INSC: variants seen among roughly 807,000 people sequenced by gnomAD.
INSC encodes the protein INSC spindle orientation adaptor protein, also known as protein inscuteable homolog.
Under a neutral mutation model 58.6 loss-of-function variants are expected in INSC, and 67 were observed. The ratio of observed to expected loss-of-function variants is 1.14; its 90% CI spans 0.94 to 1.40. The LOEUF (loss-of-function observed/expected upper bound fraction) is 1.40, where lower values mean the gene tolerates loss of function less well. Ranked by LOEUF, INSC falls within the 40% of genes most tolerant of loss-of-function variation. The pLI is 0.00. For missense variants in INSC, 714 were observed against 692.0 expected, an observed-to-expected ratio of 1.03 and a Z score of -0.36; for synonymous variants, 262 against 276.1, an observed-to-expected ratio of 0.95 and a Z score of 0.51.
intron 7 of INSC, among the ~76,000 whole-genome samples, chr11:15,203,277 G>T (rs1253163047): frequency 1.3e-5 from 2 of 152,050 alleles, no homozygotes; most frequent in African/African-American, 4.8e-5. Flanking sequence ...GCTATTCCTG[G>T]CCACTGTGCT....
chr11:15,125,032 C>T (rs1430924660), intron 1 of INSC, among the ~76,000 whole-genome samples: 1 of 152,094 alleles, frequency 6.6e-6, no homozygotes, highest in African/African-American at 2.4e-5. Context: ...GGGTACTATA[C>T]ACCATAAAAA....
chr11:15,160,164 GAC>G (rs1848966818), intron 2 of INSC, among the ~76,000 whole-genome samples: 1 of 152,196 alleles, frequency 6.6e-6, no homozygotes, highest in Non-Finnish European at 1.5e-5. Context: ...TCAGAGGAGA[GAC>G]AGAGTGCTTA....
At chr11:15,254,756 C>T in the INSC span, among the ~76,000 whole-genome samples, 1 of 152,210 alleles carries the variant, frequency 6.6e-6, no homozygotes, top group Non-Finnish European at 1.5e-5. Flanking sequence ...GACAGTGCTT[C>T]AGATGCAGGC....
chr11:15,264,829 A>C, the INSC span, among the ~76,000 whole-genome samples: 1 of 152,088 alleles, frequency 6.6e-6, no homozygotes, highest in African/African-American at 2.4e-5. Context: ...TAACCTATTG[A>C]TAGGTTCCAG....
chr11:15,125,860 T>A (rs1321612716), intron 1 of INSC, among the ~76,000 whole-genome samples: 2 of 152,078 alleles, frequency 1.3e-5, no homozygotes, highest in Non-Finnish European at 2.9e-5. Context: ...TTCAGTGTTT[T>A]AGGAGCCCTA....
intron 6 of INSC, among the ~76,000 whole-genome samples, chr11:15,195,901 G>A (rs1850352617): frequency 6.6e-6 from 1 of 152,196 alleles, no homozygotes; most frequent in Non-Finnish European, 1.5e-5. Flanking sequence ...CTTTCCCAGT[G>A]TTTTCATGGG....
At chr11:15,255,736 ATGTGTGTG>A in the INSC span, among the ~76,000 whole-genome samples, 1 of 147,910 alleles carries the variant, frequency 6.8e-6, no homozygotes, top group Non-Finnish European at 1.5e-5. Flanking sequence ...AAGTGTGTGT[ATGTGTGTG>A]TGTGTGTGTG....
chr11:15,187,850 C>G (rs1850028707), intron 5 of INSC, among the ~76,000 whole-genome samples: 1 of 152,018 alleles, frequency 6.6e-6, no homozygotes, highest in Non-Finnish European at 1.5e-5. Context: ...TGAAACGTCT[C>G]CAATGTCTTC....
At chr11:15,217,258 A>G (rs1851254192) in intron 7 of INSC, among the ~76,000 whole-genome samples, 2 of 152,158 alleles carry the variant, frequency 1.3e-5, no homozygotes, top group Admixed American at 1.3e-4. Flanking sequence ...AGCCCCTTAT[A>G]AAATCATCAG....
chr11:15,266,364 G>A, the INSC span, among the ~76,000 whole-genome samples: 1 of 151,876 alleles, frequency 6.6e-6, no homozygotes, highest in Non-Finnish European at 1.5e-5. Context: ...GCCTTCATAG[G>A]GATCTATTAG....
upstream of INSC, chr11:15,114,916 A>G: frequency 1.0e-6 from 1 of 985,204 alleles, no homozygotes; most frequent in Non-Finnish European, 1.2e-6. Context: ...GGGCCGGCAG[A>G]GCGGCCACTT....
intron 7 of INSC, among the ~76,000 whole-genome samples, chr11:15,215,667 G>A (rs141108837): frequency 6.6e-5 from 10 of 152,300 alleles, no homozygotes; most frequent in Admixed American, 2.6e-4. Flanking sequence ...GCTGGATGCT[G>A]AGGATCTAGA....
At chr11:15,172,574 A>G (rs1266784514) in intron 2 of INSC, among the ~76,000 whole-genome samples, 1 of 152,208 alleles carries the variant, frequency 6.6e-6, no homozygotes, top group Non-Finnish European at 1.5e-5. Flanking sequence ...GGGGGAACTC[A>G]TGAGCTCTGG....
intron 7 of INSC, among the ~76,000 whole-genome samples, chr11:15,214,686 T>G (rs1015467635): frequency 6.6e-6 from 1 of 152,242 alleles, no homozygotes; most frequent in African/African-American, 2.4e-5. Context: ...AAGGTTCATA[T>G]GCTGGAAACA....
intron 7 of INSC, among the ~76,000 whole-genome samples, chr11:15,220,823 C>T (rs1214316702): frequency 2.0e-5 from 3 of 152,190 alleles, no homozygotes; most frequent in Admixed American, 6.5e-5. Context: ...AATGTCCCAC[C>T]AGTTTCAGGT....
chr11:15,247,692 C>T (rs1852603915), downstream of INSC, among the ~76,000 whole-genome samples: 1 of 146,054 alleles, frequency 6.8e-6, no homozygotes, highest in Admixed American at 6.9e-5. Context: ...AAACCAAGGT[C>T]TTCTGAGTCC....
intron 7 of INSC, among the ~76,000 whole-genome samples, chr11:15,210,081 C>T (rs1850960628): frequency 6.6e-6 from 1 of 152,202 alleles, no homozygotes; most frequent in Non-Finnish European, 1.5e-5. Context: ...ATGAGCTCTG[C>T]AAGTCAGCCT....
chr11:15,127,868 G>T (rs931096065), intron 1 of INSC, among the ~76,000 whole-genome samples: 1 of 152,134 alleles, frequency 6.6e-6, no homozygotes, highest in Non-Finnish European at 1.5e-5. Context: ...GGAGGTGTGC[G>T]CCTGTAATCC....
chr11:15,186,022 G>A (rs1849952740), intron 5 of INSC, among the ~76,000 whole-genome samples: 1 of 152,082 alleles, frequency 6.6e-6, no homozygotes, highest in Non-Finnish European at 1.5e-5. Context: ...CTTACTAGAG[G>A]GTTGCTTAAA....
Sources: allele counts gnomAD v4.1 joint callset (sites outside exome capture counted in the v4.1 genomes callset), GRCh38; gene constraint gnomAD v4.1.1; transcripts MANE v1.5; gene names NCBI Gene and HGNC (gene_info 2026-07-23, HGNC 2026-07-21).